The following TRIM16 variants were observed in gnomAD, a reference collection of about 807,000 sequenced individuals.
The protein encoded by TRIM16 is tripartite motif-containing protein 16.
Under a neutral mutation model 50.4 loss-of-function variants are expected in TRIM16, and 33 were observed. The observed-to-expected ratio is 0.65, with a 90% confidence interval of 0.50 to 0.88. The LOEUF is 0.88. Among genes scored for constraint, TRIM16 ranks in the 40% least tolerant of loss-of-function variants. The pLI, the probability that TRIM16 is intolerant of heterozygous loss-of-function variation, is 0.00. For missense variants in TRIM16, 581 were observed against 686.8 expected, an observed-to-expected ratio of 0.85 and a Z score of 1.72; for synonymous variants, 229 against 270.7, an observed-to-expected ratio of 0.85 and a Z score of 1.51.
chr17:15,669,122 G>A (rs555464496), intron 6 of TRIM16, among the ~76,000 whole-genome samples: 1 of 151,882 alleles, frequency 6.6e-6, no homozygotes, highest in South Asian at 2.1e-4. Flanking sequence ...CAATGTTTGG[G>A]AGAGAAAAAG....
chr17:15,660,211 A>G (rs73272123), intron 6 of TRIM16, among the ~76,000 whole-genome samples: 5,877 of 152,274 alleles, frequency 0.039, 298 homozygotes, highest in African/African-American at 0.12. Context: ...AGACCCCTCA[A>G]CAAAGGAAGG....
At chr17:15,643,104 A>C in intron 7 of TRIM16, 3 of 1,105,306 alleles carry the variant, frequency 2.7e-6, no homozygotes, top group Non-Finnish European at 3.3e-6. Flanking sequence ...CCATACCCAT[A>C]CTAGCTGTAA....
At position 15,679,386 on chromosome 17, in the gene TRIM16, T is replaced by C. The variant is rs564915162; in HGVS notation, c.-590+1479A>G. On this transcript the variant is annotated intron_variant, in intron 4 of 11. Coordinates refer to ENST00000649191, the MANE Select transcript of TRIM16 (RefSeq NM_001348119.1). Reference sequence around the variant, plus strand: ...ATTTTCAAGCCAAAACAAAAGAGAATAGAGTGCAGAAATCTGAGGCCTCAC... The same window carrying C: ...ATTTTCAAGCCAAAACAAAAGAGAACAGAGTGCAGAAATCTGAGGCCTCAC... Among the ~76,000 whole-genome samples the C allele has an allele frequency of 2.6e-4, 40 of 152,150 alleles. No homozygotes were observed. The East Asian group carries it at 7.5e-3, about 29-fold the overall frequency.
rs1258142843 is a variant in TRIM16 at position 15,679,753 on chromosome 17, C to T, written c.-590+1112G>A. Reference sequence around the variant, plus strand: ...GAGATCGAGACCATCCTGGCTAACACGGTGAAACCCTGTCTCTACTAAAAA... The same window carrying T: ...GAGATCGAGACCATCCTGGCTAACATGGTGAAACCCTGTCTCTACTAAAAA... On this transcript the variant is annotated intron_variant, in intron 4 of 11. Coordinates refer to ENST00000649191, the MANE Select transcript of TRIM16 (RefSeq NM_001348119.1). Among the ~76,000 whole-genome samples the T allele has an allele frequency of 2.6e-5, 4 of 152,096 alleles. No individual in the cohort carries two copies. In the East Asian group the frequency reaches 5.8e-4, roughly 22 times the overall value.
Position 15,683,144 on chromosome 17 carries a change from C to CA in TRIM16, c.-886dup. On this transcript the variant is annotated 5_prime_UTR_variant, in exon 2 of 12. The change abolishes an upstream ATG in the 5' untranslated region. Transcript: ENST00000649191. ...CACGTATCTTCCTGGAAATTGCCAG[C>CA]ATTCTACCAGAAACTGTGGTAAGAG... 6.5e-7 allele frequency: 1 copy of CA among 1,548,938 alleles called. No individual in the cohort carries two copies. The highest frequency in any genetic ancestry group is 8.7e-7 in the Non-Finnish European group (1 of 1,145,846).
intron 9 of TRIM16, among the ~76,000 whole-genome samples, chr17:15,635,033 A>C (rs1253057543): frequency 6.7e-6 from 1 of 148,932 alleles, no homozygotes; most frequent in Non-Finnish European, 1.5e-5. Flanking sequence ...TTACTCATTC[A>C]AAAGTTAACT....
At chr17:15,662,417 G>C (rs1988282686) in intron 6 of TRIM16, among the ~76,000 whole-genome samples, 1 of 152,070 alleles carries the variant, frequency 6.6e-6, no homozygotes, top group South Asian at 2.1e-4. Context: ...ACTTCACTGG[G>C]CTTTCTTTAA....
chr17:15,642,494 T>G (rs1425484627), intron 8 of TRIM16, among the ~76,000 whole-genome samples: 4 of 148,842 alleles, frequency 2.7e-5, no homozygotes, highest in Admixed American at 2.0e-4. Context: ...GGATTAGTCT[T>G]GGTTCTAATT....
At chr17:15,674,431 G>C (rs1988844452) in intron 6 of TRIM16, among the ~76,000 whole-genome samples, 1 of 151,806 alleles carries the variant, frequency 6.6e-6, no homozygotes, top group South Asian at 2.1e-4. Flanking sequence ...AAAGATTTCT[G>C]AAAAGGTAGA....
chr17:15,632,552 C>A lies in TRIM16; in HGVS notation c.972G>T (p.Leu324Phe). The change falls in exon 10 of 12, where the codon TTG becomes TTT. Residue 324 changes from leucine to phenylalanine, a missense_variant. Coordinates refer to ENST00000649191, the MANE Select transcript of TRIM16 (RefSeq NM_001348119.1). ...ITESTVHLIQLLENYKKKLQE... is the reference protein window; with the variant it reads ...ITESTVHLIQFLENYKKKLQE... The stretch of plus-strand genomic sequence containing the variant: ...GGAGCTTTTTCTTATAGTTCTCCAG[C>A]AACTGGATTAAGTGTACAGTGGATT... 1 of 1,613,132 alleles carries A rather than the reference C, an allele frequency of 6.2e-7. No individual in the cohort carries two copies. Among genetic ancestry groups the A allele is most frequent in the South Asian group, 1.1e-5 (1 of 90,962 alleles).
Position 15,636,024 on chromosome 17 carries a change from C to T in TRIM16, c.849+12G>A. On this transcript the variant is annotated intron_variant, in intron 9 of 11. Coordinates refer to ENST00000649191, the MANE Select transcript of TRIM16 (RefSeq NM_001348119.1). ...CAGCTGTGGGATGCCTCTGCCCCCG[C>T]AACCCCCATACCTCCAAGAACTGGA... 6.2e-7 allele frequency: 1 copy of T among 1,611,748 alleles called. No individual in the cohort carries two copies. The highest frequency in any genetic ancestry group is 8.5e-7 in the Non-Finnish European group (1 of 1,179,466).
intron 9 of TRIM16, among the ~76,000 whole-genome samples, chr17:15,635,435 G>A (rs947131233): frequency 1.3e-5 from 2 of 148,300 alleles, no homozygotes; most frequent in African/African-American, 5.0e-5. Flanking sequence ...GGTTCCAACT[G>A]CTTACCTTTA....
intron 7 of TRIM16, among the ~76,000 whole-genome samples, chr17:15,646,969 CTTT>C (rs145313229): frequency 7.1e-6 from 1 of 140,540 alleles, no homozygotes. Flanking sequence ...GAAATAAATT[CTTT>C]TTTTTTTTTT....
chr17:15,658,238 T>C (rs1597646315), intron 6 of TRIM16, among the ~76,000 whole-genome samples: 1 of 152,236 alleles, frequency 6.6e-6, no homozygotes, highest in Admixed American at 6.5e-5. Context: ...GGTTCCCTCC[T>C]GGTTTAGGGG....
chr17:15,657,289 T>C (rs965635431), intron 6 of TRIM16, among the ~76,000 whole-genome samples: 1 of 151,556 alleles, frequency 6.6e-6, no homozygotes, highest in Non-Finnish European at 1.5e-5. Context: ...CAGGCTAGAT[T>C]GTAGTGGTGT....
intron 8 of TRIM16, among the ~76,000 whole-genome samples, chr17:15,637,522 TGGG>T (rs1567672003): frequency 3.7e-3 from 173 of 46,384 alleles, no homozygotes; most frequent in Admixed American, 6.2e-3. Flanking sequence ...GGGAGGGAGG[TGGG>T]GGGGTCAGCC....
At chr17:15,682,820 T>C in intron 3 of TRIM16, 34 bp downstream of exon 3, 1 of 1,397,758 alleles carries the variant, frequency 7.2e-7, no homozygotes, top group South Asian at 1.6e-5. Context: ...AAAGGGAATA[T>C]TAGTAAAATC....
At chr17:15,674,272 A>C (rs1476003473) in intron 6 of TRIM16, among the ~76,000 whole-genome samples, 1 of 151,976 alleles carries the variant, frequency 6.6e-6, no homozygotes, top group African/African-American at 2.4e-5. Context: ...TGGGAGGCTG[A>C]GGCAGGAGAA....
intron 6 of TRIM16, among the ~76,000 whole-genome samples, chr17:15,652,849 G>T (rs115443624): frequency 6.6e-6 from 1 of 152,110 alleles, no homozygotes; most frequent in African/African-American, 2.4e-5. Flanking sequence ...TGAACATCAC[G>T]TGGGTACTCA....
Sources: gnomAD v4.1 joint callset for allele counts (sites outside exome capture counted in the v4.1 genomes callset) on GRCh38, gnomAD v4.1.1 for gene constraint, MANE v1.5 for transcripts, NCBI Gene and HGNC (gene_info 2026-07-23, HGNC 2026-07-21) for gene names.